PCDH9: variants seen among roughly 807,000 people sequenced by gnomAD.
PCDH9 encodes the protein protocadherin-9.
Under a neutral mutation model 70.6 loss-of-function variants are expected in PCDH9, and 24 were observed. The observed-to-expected ratio is 0.34, with a 90% CI of 0.25 to 0.48. The LOEUF (loss-of-function observed/expected upper bound fraction) is 0.48. PCDH9 is among the 20% of genes least tolerant of loss of function. PCDH9 has a pLI of 0.99. For synonymous variants in PCDH9, 562 were observed against 558.5 expected (o/e 1.01, Z -0.09); for missense variants, 1,281 against 1,503.6 (o/e 0.85, Z 2.45).
chr13:66,628,947 C>T (rs1372614606), intron 4 of PCDH9, among the ~76,000 whole-genome samples: 1 of 151,748 alleles, frequency 6.6e-6, no homozygotes, highest in Non-Finnish European at 1.5e-5. Context: ...TGAAAAGCTG[C>T]CTTTGCTTTC....
intron 3 of PCDH9, among the ~76,000 whole-genome samples, chr13:66,643,847 A>G (rs2077738035): frequency 6.6e-6 from 1 of 152,044 alleles, no homozygotes; most frequent in African/African-American, 2.4e-5. Context: ...GATCTAAAGG[A>G]TATACACAGA....
chr13:67,139,019 A>C (rs1275829874), intron 2 of PCDH9, among the ~76,000 whole-genome samples: 1 of 152,188 alleles, frequency 6.6e-6, no homozygotes, highest in Non-Finnish European at 1.5e-5. Context: ...CAGTAAGATA[A>C]TACCTGTATC....
chr13:67,173,699 G>A (rs1200095725), intron 2 of PCDH9, among the ~76,000 whole-genome samples: 2 of 152,148 alleles, frequency 1.3e-5, no homozygotes, highest in Non-Finnish European at 2.9e-5. Context: ...CAGAAAGTGT[G>A]TGCCTTGATA....
At chr13:66,728,189 A>G (rs542987071) in intron 3 of PCDH9, among the ~76,000 whole-genome samples, 1 of 152,270 alleles carries the variant, frequency 6.6e-6, no homozygotes, top group South Asian at 2.1e-4. Flanking sequence ...TATATGGTGT[A>G]CATACTATTC....
intron 2 of PCDH9, among the ~76,000 whole-genome samples, chr13:66,993,170 CT>C (rs1384317192): frequency 3.9e-5 from 6 of 152,100 alleles, no homozygotes; most frequent in Middle Eastern, 3.4e-3. Context: ...ACTAAAAATA[CT>C]TAGTTTTTAT....
At chr13:67,041,799 C>T (rs1213207278) in intron 2 of PCDH9, among the ~76,000 whole-genome samples, 2 of 145,902 alleles carry the variant, frequency 1.4e-5, no homozygotes, top group Non-Finnish European at 3.0e-5. Context: ...CCACTGCACT[C>T]CAGCCTGGGC....
intron 2 of PCDH9, among the ~76,000 whole-genome samples, chr13:67,149,306 T>G (rs1191306702): frequency 2.0e-5 from 3 of 152,194 alleles, no homozygotes. Flanking sequence ...GGAATTCTGC[T>G]TTACTTCCTA....
chr13:66,793,244 T>C (rs2080189627), intron 3 of PCDH9, among the ~76,000 whole-genome samples: 1 of 152,168 alleles, frequency 6.6e-6, no homozygotes, highest in Admixed American at 6.6e-5. Context: ...GGAGAGAACA[T>C]GGACTATTCA....
chr13:66,600,213 G>A (rs2077149408), intron 4 of PCDH9, among the ~76,000 whole-genome samples: 2 of 151,794 alleles, frequency 1.3e-5, no homozygotes, highest in African/African-American at 4.8e-5. Flanking sequence ...TACTGTGTAG[G>A]CTTCCAAAGT....
chr13:66,614,393 T>C (rs2077330922), intron 4 of PCDH9, among the ~76,000 whole-genome samples: 1 of 152,222 alleles, frequency 6.6e-6, no homozygotes, highest in South Asian at 2.1e-4. Flanking sequence ...AATAAAAGCA[T>C]AACAAGGTTT....
chr13:66,418,079 C>G (rs548306477), intron 4 of PCDH9, among the ~76,000 whole-genome samples: 1 of 152,132 alleles, frequency 6.6e-6, no homozygotes, highest in African/African-American at 2.4e-5. Flanking sequence ...GAAGTCCTTG[C>G]CCATGCCTAT....
chr13:66,627,479 T>C (rs959483197), intron 4 of PCDH9, among the ~76,000 whole-genome samples: 1 of 152,196 alleles, frequency 6.6e-6, no homozygotes. Flanking sequence ...ACTCTCTTAA[T>C]ATTTCTAGGC....
chr13:66,904,603 CTATT>C, intron 2 of PCDH9, among the ~76,000 whole-genome samples: 1 of 151,944 alleles, frequency 6.6e-6, no homozygotes, highest in Middle Eastern at 3.4e-3. Context: ...AGCAAAGAGA[CTATT>C]CTTTTCAAAA....
intron 4 of PCDH9, among the ~76,000 whole-genome samples, chr13:66,446,582 T>C (rs1427582600): frequency 1.3e-5 from 2 of 152,092 alleles, no homozygotes; most frequent in Admixed American, 1.3e-4. Context: ...TTCTCTGTGC[T>C]GTGGATTAAA....
intron 2 of PCDH9, among the ~76,000 whole-genome samples, chr13:66,904,818 A>G (rs1447775606): frequency 6.6e-6 from 1 of 151,976 alleles, no homozygotes; most frequent in East Asian, 1.9e-4. Context: ...TTACATTTTG[A>G]AGATATAAAT....
At chr13:66,887,365 C>T (rs2082023805) in intron 3 of PCDH9, among the ~76,000 whole-genome samples, 1 of 151,464 alleles carries the variant, frequency 6.6e-6, no homozygotes, top group Admixed American at 6.6e-5. Context: ...AAAACGGAGA[C>T]GTGCATTCTG....
At chr13:67,102,162 AAGGAC>A (rs1307859300) in intron 2 of PCDH9, among the ~76,000 whole-genome samples, 1 of 152,156 alleles carries the variant, frequency 6.6e-6, no homozygotes, top group Non-Finnish European at 1.5e-5. Flanking sequence ...ATCAAAGGTG[AAGGAC>A]AGAAGGAATT....
chr13:67,015,243 G>T (rs926172002), intron 2 of PCDH9, among the ~76,000 whole-genome samples: 1 of 152,036 alleles, frequency 6.6e-6, no homozygotes, highest in Non-Finnish European at 1.5e-5. Context: ...ACACTCCCTG[G>T]ACAGGCTCAC....
intron 3 of PCDH9, among the ~76,000 whole-genome samples, chr13:66,765,582 T>C (rs948446209): frequency 2.0e-5 from 3 of 152,110 alleles, no homozygotes; most frequent in African/African-American, 7.2e-5. Flanking sequence ...TTCACAGCAA[T>C]CAGCTCTAAG....
Sources: allele counts gnomAD v4.1 joint callset (sites outside exome capture counted in the v4.1 genomes callset), GRCh38; gene constraint gnomAD v4.1.1; transcripts MANE v1.5; gene names NCBI Gene and HGNC (gene_info 2026-07-23, HGNC 2026-07-21).